Variants in DDHD1 observed in about 807,000 individuals in gnomAD.
The protein encoded by DDHD1 is DDHD domain containing 1.
A neutral mutation model predicts 96.4 loss-of-function variants in DDHD1; 49 were observed. The observed-to-expected ratio is 0.51, with a 90% CI of 0.40 to 0.64. The LOEUF (loss-of-function observed/expected upper bound fraction) is 0.64, where lower values mean the gene tolerates loss of function less well. Ranked by LOEUF, DDHD1 falls within the 30% of genes least tolerant of loss-of-function variation. The pLI, the probability that DDHD1 is intolerant of heterozygous loss-of-function variation, is 0.00. For synonymous variants in DDHD1, 442 were observed against 446.5 expected (o/e 0.99, Z 0.13); for missense variants, 1,106 against 1,161.2 (o/e 0.95, Z 0.69).
chr14:53,104,736 T>G (rs1431820353), intron 1 of DDHD1, among the ~76,000 whole-genome samples: 1 of 152,190 alleles, frequency 6.6e-6, no homozygotes, highest in African/African-American at 2.4e-5. Context: ...CTAAACTATC[T>G]TGAATTCTTT....
intron 6 of DDHD1, among the ~76,000 whole-genome samples, chr14:53,067,244 C>G (rs7145038): frequency 6.6e-6 from 1 of 150,854 alleles, no homozygotes; most frequent in Non-Finnish European, 1.5e-5. Context: ...CTGCAACCTC[C>G]GTCTCCTGGG....
intron 1 of DDHD1, among the ~76,000 whole-genome samples, chr14:53,123,759 T>C (rs548556353): frequency 1.3e-5 from 2 of 152,354 alleles, no homozygotes; most frequent in Admixed American, 1.3e-4. Flanking sequence ...TGGTGGTTAC[T>C]TCTGGATTAA....
intron 4 of DDHD1, among the ~76,000 whole-genome samples, chr14:53,087,961 T>TA (rs751850245): frequency 2.0e-5 from 3 of 151,778 alleles, no homozygotes; most frequent in Admixed American, 6.6e-5. Flanking sequence ...ATAGATGCAA[T>TA]AAAAAACGAT....
At chr14:53,070,440 T>C (rs998695034) in intron 6 of DDHD1, among the ~76,000 whole-genome samples, 1 of 152,168 alleles carries the variant, frequency 6.6e-6, no homozygotes, top group Non-Finnish European at 1.5e-5. Context: ...AATTCTATCA[T>C]ATTTTGAATC....
intron 1 of DDHD1, among the ~76,000 whole-genome samples, chr14:53,135,740 C>T (rs1051382895): frequency 6.6e-6 from 1 of 152,224 alleles, no homozygotes. Context: ...GAAGAACAGA[C>T]TTCTACTTCC....
chr14:53,068,115 A>C (rs1421746637), intron 6 of DDHD1, among the ~76,000 whole-genome samples: 3 of 152,066 alleles, frequency 2.0e-5, no homozygotes. Context: ...ATCTAATAAT[A>C]TCTTTTATTG....
chr14:53,105,973 T>C (rs917616864), intron 1 of DDHD1, among the ~76,000 whole-genome samples: 5 of 152,046 alleles, frequency 3.3e-5, no homozygotes, highest in East Asian at 1.9e-4. Flanking sequence ...GTGGTGGTGG[T>C]GGTGGTGTGT....
At chr14:53,056,730 G>A (rs1883087524) in intron 9 of DDHD1, among the ~76,000 whole-genome samples, 1 of 152,130 alleles carries the variant, frequency 6.6e-6, no homozygotes. Flanking sequence ...TGTAAAAACT[G>A]CCTTGCACCG....
chr14:53,043,325 G>A lies in DDHD1; in HGVS notation c.*3443C>T, dbSNP rs1169906159. 2.0e-5 allele frequency: 3 copies of A among 151,930 alleles called. No individual in the cohort carries two copies. Among genetic ancestry groups the A allele is most frequent in the Non-Finnish European group, 2.9e-5 (2 of 68,046 alleles). The allele number at this position is 151,930 out of a possible 1,614,324, so 9.4% of individuals were successfully genotyped here. A position where few individuals can be genotyped will look rare whatever the true frequency, so the allele number is the denominator to read the frequency against. ...AAAAGATAACAGATGCCGTTTAACA[G>A]AAAGAAGTAAAACGTAAGATTCCTA... On this transcript the variant is annotated 3_prime_UTR_variant, in exon 13 of 13. Coordinates refer to ENST00000673822, the MANE Select transcript of DDHD1 (RefSeq NM_001160148.2).
chr14:53,060,498 C>T (rs1431741849), intron 8 of DDHD1, among the ~76,000 whole-genome samples: 1 of 152,184 alleles, frequency 6.6e-6, no homozygotes, highest in Non-Finnish European at 1.5e-5. Flanking sequence ...AACCTGTGCA[C>T]CTCTGTCTTG....
chr14:53,054,190 A>G, intron 11 of DDHD1: 1 of 412,958 alleles, frequency 2.4e-6, no homozygotes, highest in Non-Finnish European at 4.3e-6. Flanking sequence ...TTGATGGTTA[A>G]GACCTTGTGC....
At chr14:53,111,574 T>C (rs1033007830) in intron 1 of DDHD1, among the ~76,000 whole-genome samples, 4 of 152,252 alleles carry the variant, frequency 2.6e-5, no homozygotes, top group African/African-American at 9.6e-5. Flanking sequence ...AAAGCTGTTA[T>C]GCATTACTAA....
chr14:53,059,820 C>T (rs191799377), intron 8 of DDHD1, among the ~76,000 whole-genome samples: 19 of 138,880 alleles, frequency 1.4e-4, no homozygotes, highest in South Asian at 2.3e-4. Context: ...GCCAAGATCA[C>T]GCCACTGCAC....
At position 53,056,764 on chromosome 14, in the gene DDHD1, A is replaced by G. The variant is rs976429514; in HGVS notation, c.1993-852T>C. 7.9e-5 allele frequency among the ~76,000 whole-genome samples: 12 copies of G among 152,316 alleles called. No homozygotes were observed. The South Asian group carries it at 1.7e-3, about 21-fold the overall frequency. ...CGTTCTGACGTAAACTATTTAACAA[A>G]GTATTAATTTTTTTAAAAATCACAG... On this transcript the variant is annotated intron_variant, in intron 9 of 12. Transcript: ENST00000673822.
At chr14:53,118,471 C>T (rs1888719101) in intron 1 of DDHD1, among the ~76,000 whole-genome samples, 1 of 152,114 alleles carries the variant, frequency 6.6e-6, no homozygotes, top group Non-Finnish European at 1.5e-5. Flanking sequence ...CCTTAAGTGA[C>T]CTGATGGCAC....
intron 1 of DDHD1, among the ~76,000 whole-genome samples, chr14:53,149,435 A>G (rs2139920209): frequency 6.6e-6 from 1 of 152,352 alleles, no homozygotes; most frequent in Non-Finnish European, 1.5e-5. Flanking sequence ...GCTGCAACGT[A>G]TAGTATGAGT....
chr14:53,108,550 T>C (rs140579505), intron 1 of DDHD1, among the ~76,000 whole-genome samples: 89 of 152,278 alleles, frequency 5.8e-4, no homozygotes, highest in African/African-American at 2.0e-3. Context: ...CAAGACTCTG[T>C]CTCAAAAAAA....
chr14:53,103,847 T>C lies in DDHD1; in HGVS notation c.848A>G (p.Lys283Arg). Residue 283 changes from lysine to arginine, a missense_variant, in exon 2 of 13, where the codon AAA becomes AGA. Transcript: ENST00000673822. ...CCACTGTCCACGCATTACTGGTATT[T>C]TATCAGCCTCTGAAAAAGAGAAATC... ...CYPVYWNQADKIPVMRGQWFI... is the reference protein window; with the variant it reads ...CYPVYWNQADRIPVMRGQWFI... 3 of 1,594,144 alleles carry C rather than the reference T, an allele frequency of 1.9e-6. No homozygotes were observed. The highest frequency in any genetic ancestry group is 2.6e-6 in the Non-Finnish European group (3 of 1,174,154).
At chr14:53,074,962 G>A (rs12433814) in intron 4 of DDHD1, among the ~76,000 whole-genome samples, 26,962 of 151,980 alleles carry the variant, frequency 0.18, 2,568 homozygotes, top group East Asian at 0.33. Context: ...AACTGCACCT[G>A]TATAAGATGA....
Sources: allele counts gnomAD v4.1 joint callset (sites outside exome capture counted in the v4.1 genomes callset), GRCh38; gene constraint gnomAD v4.1.1; transcripts MANE v1.5; gene names NCBI Gene and HGNC (gene_info 2026-07-23, HGNC 2026-07-21).